GSS: variants seen among roughly 807,000 people sequenced by gnomAD.
The protein encoded by GSS is GSH synthetase.
In GSS, 34 loss-of-function variants were observed where a neutral mutation model predicts 60.4. The observed-to-expected ratio is 0.56, with a 90% CI of 0.43 to 0.75. The LOEUF (loss-of-function observed/expected upper bound fraction) is 0.75. Ranked by LOEUF, GSS falls within the 30% of genes least tolerant of loss-of-function variation. The probability of loss-of-function intolerance (pLI) is 0.00; values close to 1 mark genes in which losing one functional copy is unlikely to be tolerated. For synonymous variants in GSS, 224 were observed against 239.0 expected (o/e 0.94, Z 0.58); for missense variants, 499 against 595.1 (o/e 0.84, Z 1.68).
chr20:34,944,832 G>A (rs2081508001), intron 3 of GSS, among the ~76,000 whole-genome samples: 2 of 152,188 alleles, frequency 1.3e-5, no homozygotes, highest in South Asian at 4.2e-4. Context: ...CATCAGGCGT[G>A]GCGTTTTCCA....
Position 34,942,878 on chromosome 20 carries a change from A to C in GSS, c.351+53T>G. The stretch of plus-strand genomic sequence containing the variant: ...AATTCTTCAAGCAAAACAGAAAACA[A>C]ACAGAGATGGGAGGGACAGGTTACA... On this transcript the variant is annotated intron_variant, in intron 4 of 12. Coordinates refer to ENST00000651619, the MANE Select transcript of GSS (RefSeq NM_000178.4). 3.8e-6 allele frequency: 5 copies of C among 1,302,434 alleles called. No homozygotes were observed. In the South Asian group the frequency reaches 6.2e-5, roughly 16 times the overall value. The allele number at this position is 1,302,434 out of a possible 1,614,324, so 80.7% of individuals were successfully genotyped here.
chr20:34,942,696 C>T, intron 4 of GSS, 69 bp from the exon 5 acceptor site: 2 of 1,452,378 alleles, frequency 1.4e-6, no homozygotes, highest in Non-Finnish European at 1.9e-6. Context: ...CCACAGAGCA[C>T]ACAGGTACCA....
At chr20:34,954,572 A>AAG (rs2081603723) in intron 1 of GSS, 1 of 153,414 alleles carries the variant, frequency 6.5e-6, no homozygotes. Flanking sequence ...AAAAAAGAAA[A>AAG]AAAGAAAGAA....
At chr20:34,929,045 G>A in intron 12 of GSS, 94 bp from the exon 13 acceptor site, 1 of 1,453,594 alleles carries the variant, frequency 6.9e-7, no homozygotes. Flanking sequence ...CTGGGTAACT[G>A]TCTATACCAA....
rs754566837 is a variant in GSS at position 34,946,444 on chromosome 20, C to T, written c.130-346G>A. Reference sequence around the variant, plus strand: ...CCTGTGAGGAAGATACTATTATTATCCACACTTAACAGAGACGGGACCTGA... The same window carrying T: ...CCTGTGAGGAAGATACTATTATTATTCACACTTAACAGAGACGGGACCTGA... On this transcript the variant is annotated intron_variant, in intron 2 of 12. Transcript: ENST00000651619. Among the ~76,000 whole-genome samples the T allele has an allele frequency of 6.1e-4, 93 of 152,188 alleles. 3 individuals carry two copies. Among genetic ancestry groups the T allele is most frequent in the Non-Finnish European group, 3.2e-4 (22 of 68,026 alleles).
chr20:34,945,383 G>A (rs937031262), intron 3 of GSS, among the ~76,000 whole-genome samples: 25 of 141,482 alleles, frequency 1.8e-4, no homozygotes, highest in East Asian at 2.1e-4. Context: ...AGAATCTGAA[G>A]AAAAAAAAAA....
At position 34,932,847 on chromosome 20, in the gene GSS, A is replaced by G. The variant is rs371600429; in HGVS notation, c.835-714T>C. ...CAATTTTTTTTTCCTATTTTTGTTT[A>G]CTTTTTTTTTCTTTTGAGACGTGGG... On this transcript the variant is annotated intron_variant, in intron 9 of 12. Transcript: ENST00000651619. 7.2e-5 allele frequency among the ~76,000 whole-genome samples: 11 copies of G among 151,852 alleles called. No individual in the cohort carries two copies. The East Asian group carries it at 1.9e-3, about 27-fold the overall frequency.
At chr20:34,931,553 G>A (rs777420286) in intron 10 of GSS, 136 bp from the exon 11 acceptor site, 1 of 747,348 alleles carries the variant, frequency 1.3e-6, no homozygotes, top group Non-Finnish European at 2.4e-6. Context: ...CAGGCAGGAT[G>A]CTACTATCTG....
At position 34,928,818 on chromosome 20, in the gene GSS, G is replaced by C. The variant is rs1225258682; in HGVS notation, c.*10C>G. ...CAGAGGATAGAAGGTCCCGTGGCCT[G>C]GTTGTGCCCTCACACAGGGTATGGG... On this transcript the variant is annotated 3_prime_UTR_variant, in exon 13 of 13. Transcript: ENST00000651619. 6.2e-7 allele frequency: 1 copy of C among 1,614,086 alleles called. No individual in the cohort carries two copies. Among genetic ancestry groups the C allele is most frequent in the South Asian group, 1.1e-5 (1 of 91,080 alleles).
chr20:34,949,186 C>T (rs1434533882), intron 2 of GSS, among the ~76,000 whole-genome samples: 1 of 152,210 alleles, frequency 6.6e-6, no homozygotes, highest in Admixed American at 6.5e-5. Flanking sequence ...ATTTTGCGCC[C>T]TGTTCAAATG....
rs2081484837 is a variant in GSS, at chr20:34,941,777, T to G, written c.544A>C (p.Asn182His). Reference sequence around the variant, plus strand: ...AGGGCCAGTCCCTTGCTGGGATTATTAGAGAGGATCTTGCCAGCTTCTTTG... The same window carrying G: ...AGGGCCAGTCCCTTGCTGGGATTATGAGAGAGGATCTTGCCAGCTTCTTTG... ...KTKEAGKILSNNPSKGLALGI... is the reference protein window; with the variant it reads ...KTKEAGKILSHNPSKGLALGI... The change falls in exon 6 of 13, where the codon AAT becomes CAT. Residue 182 changes from asparagine to histidine, a missense_variant. By Grantham distance (68) the Asn-to-His change is moderately conservative. Coordinates refer to ENST00000651619, the MANE Select transcript of GSS (RefSeq NM_000178.4). 6.2e-7 allele frequency: 1 copy of G among 1,611,884 alleles called. No homozygotes were observed. The highest frequency in any genetic ancestry group is 8.5e-7 in the Non-Finnish European group (1 of 1,179,462).
In GSS at chr20:34,928,647, G is replaced by A. The variant is rs773689812; in HGVS notation, c.*181C>T. ...ACCCACATCTCAAGGATTTGGGGGC[G>A]TCTAGATCTCATCTAAGGGAGACAC... is the stretch of plus-strand genomic sequence containing the variant. On this transcript the variant is annotated 3_prime_UTR_variant, in exon 13 of 13. Transcript: ENST00000651619. 9.3e-5 allele frequency: 65 copies of A among 700,128 alleles called. No individual in the cohort carries two copies. Among genetic ancestry groups the A allele is most frequent in the South Asian group, 1.9e-4 (12 of 62,150 alleles). 43.4% of individuals were successfully genotyped at this position (700,128 alleles called of 1,614,324 possible).
At chr20:34,943,511 G>T (rs1038763476) in intron 3 of GSS, among the ~76,000 whole-genome samples, 1 of 152,084 alleles carries the variant, frequency 6.6e-6, no homozygotes, top group Non-Finnish European at 1.5e-5. Context: ...AGCCCTTGGA[G>T]ATTAGAAGAC....
rs536958100 is a variant in GSS at position 34,929,344 on chromosome 20, A to G, written c.1301+57T>C. ...CCAGTGTTCCCCTCTAGGCTGGCTC[A>G]CTTGGCTGGCACTCTTGCAAGCAGG... On this transcript the variant is annotated intron_variant, in intron 12 of 12. Transcript: ENST00000651619. 70 of 1,428,414 alleles carry G rather than the reference A, an allele frequency of 4.9e-5. No individual in the cohort carries two copies. The African/African-American group carries it at 9.4e-4, about 19-fold the overall frequency. 88.5% of individuals were successfully genotyped at this position (1,428,414 alleles called of 1,614,324 possible).
At chr20:34,951,918 C>T (rs2081572324) in intron 1 of GSS, 58 bp from the exon 2 acceptor site, 9 of 1,596,992 alleles carry the variant, frequency 5.6e-6, no homozygotes, top group South Asian at 1.1e-5. Flanking sequence ...CAGCAACCAC[C>T]GAAACTGGCT....
At chr20:34,947,081 T>C (rs1382982341) in intron 2 of GSS, among the ~76,000 whole-genome samples, 1 of 152,164 alleles carries the variant, frequency 6.6e-6, no homozygotes, top group Admixed American at 6.6e-5. Flanking sequence ...TAGATATTTA[T>C]TTTTAAAGTA....
At chr20:34,951,480 C>G in intron 2 of GSS, 1 of 517,846 alleles carries the variant, frequency 1.9e-6, no homozygotes, top group South Asian at 2.2e-5. Flanking sequence ...CATTTTTACA[C>G]CTGAAGAAAC....
At chr20:34,930,569 G>C (rs1379564563) in intron 11 of GSS, among the ~76,000 whole-genome samples, 1 of 151,984 alleles carries the variant, frequency 6.6e-6, no homozygotes, top group African/African-American at 2.4e-5. Context: ...CCTCTTCCAC[G>C]GTCTTTCTGC....
Position 34,951,985 on chromosome 20 carries a change from T to C in GSS, c.-8-125A>G. ...CCTCTGTTGGAAGGGAACAGCGTGGTATACAGGAGTGAACACTGGCTGGTT... is the reference window on the plus strand; with the variant it reads ...CCTCTGTTGGAAGGGAACAGCGTGGCATACAGGAGTGAACACTGGCTGGTT... On this transcript the variant is annotated intron_variant, in intron 1 of 12. Coordinates refer to ENST00000651619, the MANE Select transcript of GSS (RefSeq NM_000178.4). The C allele has an allele frequency of 4.3e-6, 4 of 921,366 alleles. No individual in the cohort carries two copies. The South Asian group carries it at 5.4e-5, about 12-fold the overall frequency. The allele number at this position is 921,366 out of a possible 1,614,324, so 57.1% of individuals were successfully genotyped here.
Sources: allele counts gnomAD v4.1 joint callset (sites outside exome capture counted in the v4.1 genomes callset), GRCh38; gene constraint gnomAD v4.1.1; transcripts MANE v1.5; gene names NCBI Gene and HGNC (gene_info 2026-07-23, HGNC 2026-07-21).